CPE: variants seen among roughly 807,000 people sequenced by gnomAD.
The protein encoded by CPE is carbocypeptidase E.
A neutral mutation model predicts 53.5 loss-of-function variants in CPE; 17 were observed. That is an observed-to-expected ratio of 0.32 (90% CI 0.22 to 0.48). CPE has a LOEUF of 0.48. Ranked by LOEUF, CPE falls within the 20% of genes least tolerant of loss-of-function variation. CPE has a pLI of 0.99. For synonymous variants in CPE, 226 were observed against 228.8 expected (o/e 0.99, Z 0.11); for missense variants, 524 against 614.7 (o/e 0.85, Z 1.56).
At chr4:165,468,070 A>G (rs1177335678) in intron 3 of CPE, among the ~76,000 whole-genome samples, 1 of 152,126 alleles carries the variant, frequency 6.6e-6, no homozygotes, top group African/African-American at 2.4e-5. Flanking sequence ...AGGTGCAGAT[A>G]TAGGGAGGAA....
intron 1 of CPE, among the ~76,000 whole-genome samples, chr4:165,396,152 A>G (rs992314573): frequency 8.5e-5 from 13 of 152,304 alleles, no homozygotes; most frequent in African/African-American, 2.9e-4. Flanking sequence ...TCTTCGCACA[A>G]TGAGGTCTTT....
rs149812425 is a variant in CPE, at chr4:165,461,988, A to G, written c.308-2402A>G. On this transcript the variant is annotated intron_variant, in intron 1 of 8. Coordinates refer to ENST00000402744, the MANE Select transcript of CPE (RefSeq NM_001873.4). The stretch of plus-strand genomic sequence containing the variant: ...GTACATTAGTATCTTCAATATAATG[A>G]CCTTTGTTGTCCTGTCTTCATGTCA... Among the ~76,000 whole-genome samples the G allele has an allele frequency of 1.5e-3, 236 of 152,322 alleles. 1 individual carries two copies. Among genetic ancestry groups the G allele is most frequent in the Admixed American group, 3.1e-3 (47 of 15,304 alleles).
At chr4:165,452,433 T>C (rs1435696825) in intron 1 of CPE, among the ~76,000 whole-genome samples, 2 of 152,168 alleles carry the variant, frequency 1.3e-5, no homozygotes, top group South Asian at 2.1e-4. Flanking sequence ...AACTATGATA[T>C]ACCATTAAAA....
At chr4:165,421,904 G>T (rs1030759791) in intron 1 of CPE, among the ~76,000 whole-genome samples, 12 of 151,866 alleles carry the variant, frequency 7.9e-5, no homozygotes, top group African/African-American at 2.4e-4. Flanking sequence ...AATTATTTCT[G>T]TTTTTTAAAA....
rs560962540 is a variant in CPE, at chr4:165,388,313, T to C, written c.307+8785T>C. ...TCCTTTTCTTTTTTTAGCCAAGTGGTAATTTCTAAAACAACCTTTCTTCAT... is the reference window on the plus strand; with the variant it reads ...TCCTTTTCTTTTTTTAGCCAAGTGGCAATTTCTAAAACAACCTTTCTTCAT... On this transcript the variant is annotated intron_variant, in intron 1 of 8. Coordinates refer to ENST00000402744, the MANE Select transcript of CPE (RefSeq NM_001873.4). 7.5e-4 allele frequency among the ~76,000 whole-genome samples: 114 copies of C among 152,346 alleles called. 1 individual carries two copies. The South Asian group carries it at 0.023, about 30-fold the overall frequency.
At chr4:165,439,024 G>A (rs1731562404) in intron 1 of CPE, among the ~76,000 whole-genome samples, 1 of 152,118 alleles carries the variant, frequency 6.6e-6, no homozygotes, top group South Asian at 2.1e-4. Context: ...TTCCAAAGGT[G>A]TCTGATTTTC....
At chr4:165,443,336 C>T (rs1731646982) in intron 1 of CPE, among the ~76,000 whole-genome samples, 1 of 152,136 alleles carries the variant, frequency 6.6e-6, no homozygotes, top group Non-Finnish European at 1.5e-5. Context: ...TATTAAATGC[C>T]AGCCACTATT....
intron 1 of CPE, among the ~76,000 whole-genome samples, chr4:165,454,202 A>G (rs984873240): frequency 6.6e-6 from 1 of 152,202 alleles, no homozygotes; most frequent in Non-Finnish European, 1.5e-5. Flanking sequence ...ATTATCTGGG[A>G]GAGATGGCTT....
intron 1 of CPE, among the ~76,000 whole-genome samples, chr4:165,439,654 C>G (rs1047768141): frequency 6.6e-6 from 1 of 151,656 alleles, no homozygotes; most frequent in African/African-American, 2.4e-5. Flanking sequence ...GTTCATGTTA[C>G]ATTTCTTCCT....
intron 3 of CPE, among the ~76,000 whole-genome samples, chr4:165,474,742 C>G (rs528990847): frequency 3.3e-5 from 5 of 152,206 alleles, no homozygotes; most frequent in Non-Finnish European, 7.3e-5. Context: ...TAGAACCAAC[C>G]TTCATGTCTG....
At chr4:165,480,811 G>C (rs1732393268) in intron 3 of CPE, among the ~76,000 whole-genome samples, 2 of 151,554 alleles carry the variant, frequency 1.3e-5, no homozygotes, top group African/African-American at 4.8e-5. Flanking sequence ...CTGTTTTCAA[G>C]CAAAAAAAGC....
At chr4:165,425,994 G>A (rs544239795) in intron 1 of CPE, among the ~76,000 whole-genome samples, 5 of 152,286 alleles carry the variant, frequency 3.3e-5, no homozygotes, top group Admixed American at 1.3e-4. Flanking sequence ...CTTACTTAAA[G>A]ACTTCAGCAA....
At chr4:165,442,263 T>C (rs1427029039) in intron 1 of CPE, among the ~76,000 whole-genome samples, 1 of 152,058 alleles carries the variant, frequency 6.6e-6, no homozygotes, top group Non-Finnish European at 1.5e-5. Context: ...AGGCTAGTCT[T>C]GAACTCCTCG....
At chr4:165,455,126 A>G (rs1731879685) in intron 1 of CPE, among the ~76,000 whole-genome samples, 1 of 152,332 alleles carries the variant, frequency 6.6e-6, no homozygotes, top group East Asian at 1.9e-4. Flanking sequence ...TGAGCTTCTC[A>G]TGGAAATTAT....
At position 165,470,277 on chromosome 4, in the gene CPE, A is replaced by G. The variant is rs112641189; in HGVS notation, c.672+2422A>G. Among the ~76,000 whole-genome samples the G allele has an allele frequency of 7.5e-3, 1,138 of 152,292 alleles. 10 individuals are homozygous for G. Among genetic ancestry groups the G allele is most frequent in the African/African-American group, 0.026 (1,072 of 41,558 alleles). On this transcript the variant is annotated intron_variant, in intron 3 of 8. Transcript: ENST00000402744. ...GGTTTTCTATGTTGGCATGCTTACA[A>G]GGGAGCAGGAGGTTGTGTGTCTTTT...
At chr4:165,460,686 C>T (rs72703674) in intron 1 of CPE, among the ~76,000 whole-genome samples, 6,140 of 152,220 alleles carry the variant, frequency 0.04, 193 homozygotes, top group East Asian at 0.14. Flanking sequence ...CTGTCAGCCA[C>T]GCTGCTGCAA....
chr4:165,407,945 A>G (rs902149526), intron 1 of CPE, among the ~76,000 whole-genome samples: 7 of 151,506 alleles, frequency 4.6e-5, no homozygotes, highest in Non-Finnish European at 8.8e-5. Flanking sequence ...CCTCCCAATT[A>G]GCTGAGACAA....
intron 7 of CPE, among the ~76,000 whole-genome samples, chr4:165,494,882 A>G (rs1391284737): frequency 6.6e-6 from 1 of 152,186 alleles, no homozygotes; most frequent in African/African-American, 2.4e-5. Context: ...GGTGTTAGGA[A>G]AAAGGAGAAG....
chr4:165,443,814 T>C (rs1731656678), intron 1 of CPE, among the ~76,000 whole-genome samples: 3 of 152,150 alleles, frequency 2.0e-5, no homozygotes, highest in African/African-American at 7.2e-5. Context: ...TAATTGCCAA[T>C]GTGATGGCAT....
Sources: allele counts gnomAD v4.1 joint callset (sites outside exome capture counted in the v4.1 genomes callset), GRCh38; gene constraint gnomAD v4.1.1; transcripts MANE v1.5; gene names NCBI Gene and HGNC (gene_info 2026-07-23, HGNC 2026-07-21).